GLIS1: variants seen among roughly 807,000 people sequenced by gnomAD.
The protein encoded by GLIS1 is GLIS family zinc finger 1.
In GLIS1, 24 loss-of-function variants were observed where a neutral mutation model predicts 63.8. The observed-to-expected ratio is 0.38, with a 90% CI of 0.27 to 0.53. GLIS1 has a LOEUF of 0.53. Among genes scored for constraint, GLIS1 ranks in the 20% least tolerant of loss-of-function variants. The probability of loss-of-function intolerance (pLI) is 0.85; values close to 1 mark genes in which losing one functional copy is unlikely to be tolerated. For synonymous variants in GLIS1, 450 were observed against 482.5 expected (o/e 0.93, Z 0.88); for missense variants, 1,036 against 1,074.1 (o/e 0.96, Z 0.50).
At chr1:53,531,379 C>T (rs1644529049) in intron 4 of GLIS1, among the ~76,000 whole-genome samples, 1 of 152,234 alleles carries the variant, frequency 6.6e-6, no homozygotes, top group Admixed American at 6.5e-5. Context: ...CTCCCAAAGC[C>T]TGCTCTTCAC....
intron 2 of GLIS1, among the ~76,000 whole-genome samples, chr1:53,619,280 G>A (rs1442083212): frequency 1.3e-5 from 2 of 152,232 alleles, no homozygotes; most frequent in Non-Finnish European, 2.9e-5. Context: ...GCCCTCAGGA[G>A]CCCTCAGCCT....
chr1:53,568,091 C>T (rs1448738149), intron 4 of GLIS1, among the ~76,000 whole-genome samples: 2 of 152,242 alleles, frequency 1.3e-5, no homozygotes, highest in Non-Finnish European at 2.9e-5. Flanking sequence ...TCAACACCAG[C>T]TCATGAAAGC....
chr1:53,729,864 G>T (rs1646842276), intron 2 of GLIS1, among the ~76,000 whole-genome samples: 1 of 152,158 alleles, frequency 6.6e-6, no homozygotes, highest in African/African-American at 2.4e-5. Flanking sequence ...ACCCTATTTT[G>T]TTTCGCGCTG....
At chr1:53,682,914 T>C (rs978517522) in intron 2 of GLIS1, among the ~76,000 whole-genome samples, 3 of 152,050 alleles carry the variant, frequency 2.0e-5, no homozygotes, top group Non-Finnish European at 4.4e-5. Flanking sequence ...TAATACACGA[T>C]CAACTCTGTT....
chr1:53,585,723 G>A (rs1645128500), intron 4 of GLIS1, among the ~76,000 whole-genome samples: 2 of 152,204 alleles, frequency 1.3e-5, no homozygotes, highest in East Asian at 1.9e-4. Context: ...GAACACACCT[G>A]TGAAAGTGCC....
intron 2 of GLIS1, among the ~76,000 whole-genome samples, chr1:53,634,098 T>TG (rs1480402873): frequency 6.6e-6 from 1 of 152,182 alleles, no homozygotes; most frequent in African/African-American, 2.4e-5. Flanking sequence ...AAGATGGAGT[T>TG]GCCGTTTCCT....
At chr1:53,576,470 A>G (rs1482789060) in intron 4 of GLIS1, among the ~76,000 whole-genome samples, 2 of 152,130 alleles carry the variant, frequency 1.3e-5, no homozygotes, top group Non-Finnish European at 2.9e-5. Context: ...GGCCATGGTG[A>G]TCACTGAGCA....
At chr1:53,522,044 A>G (rs490654) in intron 6 of GLIS1, among the ~76,000 whole-genome samples, 2 of 152,222 alleles carry the variant, frequency 1.3e-5, no homozygotes, top group Non-Finnish European at 2.9e-5. Context: ...GGAGAAGGCA[A>G]GCCCAGCCTC....
chr1:53,623,812 C>T (rs542513352), intron 2 of GLIS1, among the ~76,000 whole-genome samples: 1 of 152,166 alleles, frequency 6.6e-6, no homozygotes, highest in African/African-American at 2.4e-5. Context: ...ACACAAAATG[C>T]TTAGAAATAA....
intron 2 of GLIS1, among the ~76,000 whole-genome samples, chr1:53,669,857 T>C (rs571389172): frequency 2.0e-5 from 3 of 152,318 alleles, no homozygotes; most frequent in African/African-American, 7.2e-5. Flanking sequence ...GAAGAAATCA[T>C]GCATCCAAGG....
intron 2 of GLIS1, among the ~76,000 whole-genome samples, chr1:53,666,897 G>C (rs1646099448): frequency 6.6e-6 from 1 of 152,128 alleles, no homozygotes; most frequent in African/African-American, 2.4e-5. Flanking sequence ...CCTAGAACCA[G>C]GGACCAGCCT....
chr1:53,527,709 G>C (rs1213589415), intron 5 of GLIS1, among the ~76,000 whole-genome samples: 2 of 152,264 alleles, frequency 1.3e-5, no homozygotes, highest in African/African-American at 4.8e-5. Context: ...AGGGGCCTCT[G>C]GGGGCAGGTG....
At chr1:53,613,889 A>G (rs911972645) in intron 2 of GLIS1, among the ~76,000 whole-genome samples, 1 of 152,244 alleles carries the variant, frequency 6.6e-6, no homozygotes, top group Non-Finnish European at 1.5e-5. Flanking sequence ...CCAATGGCCA[A>G]CCATGTTTTA....
rs1177525574 is a variant in GLIS1 at position 53,511,774 on chromosome 1, G to A, written c.1884-1747C>T. Among the ~76,000 whole-genome samples the A allele has an allele frequency of 6.6e-6, 1 of 152,168 alleles. No individual in the cohort carries two copies. Among genetic ancestry groups the A allele is most frequent in the East Asian group, 1.9e-4 (1 of 5,194 alleles). On this transcript the variant is annotated intron_variant, in intron 8 of 10. Coordinates refer to ENST00000628545, the MANE Select transcript of GLIS1 (RefSeq NM_001367484.1). The surrounding 1 kb of genome is among the most constrained non-coding windows in gnomAD (Gnocchi z 4.2). ...CTCATGACCAGTTCTGGCTGAAGCT[G>A]GGCTGGGGCCTGGCCGGAGAGTGGC...
chr1:53,513,517 C>T (rs534146706), intron 8 of GLIS1, among the ~76,000 whole-genome samples: 194 of 152,332 alleles, frequency 1.3e-3, no homozygotes, highest in South Asian at 2.5e-3. Context: ...CCCAGCTTCT[C>T]CACTCATCCA....
intron 2 of GLIS1, among the ~76,000 whole-genome samples, chr1:53,674,739 G>A (rs1160219374): frequency 6.6e-6 from 1 of 152,230 alleles, no homozygotes; most frequent in Non-Finnish European, 1.5e-5. Flanking sequence ...GTCCAAGGCT[G>A]ATCCAGAGGC....
intron 4 of GLIS1, among the ~76,000 whole-genome samples, chr1:53,558,916 G>C (rs1052465112): frequency 3.3e-5 from 5 of 152,196 alleles, no homozygotes; most frequent in Admixed American, 6.5e-5. Flanking sequence ...GCAAACACCT[G>C]CCTCCTGTGA....
intron 4 of GLIS1, among the ~76,000 whole-genome samples, chr1:53,543,099 G>T (rs1188074738): frequency 6.6e-6 from 1 of 152,246 alleles, no homozygotes; most frequent in African/African-American, 2.4e-5. Flanking sequence ...TTGCTACCCA[G>T]CATGTGGGGG....
At chr1:53,554,592 T>C (rs1644797420) in intron 4 of GLIS1, among the ~76,000 whole-genome samples, 2 of 152,160 alleles carry the variant, frequency 1.3e-5, no homozygotes, top group Non-Finnish European at 2.9e-5. Flanking sequence ...TCATCAGTGC[T>C]AACCAATATG....
Sources: allele counts gnomAD v4.1 joint callset (sites outside exome capture counted in the v4.1 genomes callset), GRCh38; gene constraint gnomAD v4.1.1; non-coding constraint Gnocchi (gnomAD v3.1); transcripts MANE v1.5; gene names NCBI Gene and HGNC (gene_info 2026-07-23, HGNC 2026-07-21).